GRIN2D: variants seen among roughly 807,000 people sequenced by gnomAD.
GRIN2D encodes the protein glutamate ionotropic receptor NMDA type subunit 2D.
Under a neutral mutation model 103.2 loss-of-function variants are expected in GRIN2D, and 37 were observed. The ratio of observed to expected loss-of-function variants is 0.36; its 90% confidence interval spans 0.28 to 0.47. The LOEUF (loss-of-function observed/expected upper bound fraction) is 0.47. GRIN2D is among the 20% of genes least tolerant of loss of function. GRIN2D has a pLI of 1.00. For synonymous variants in GRIN2D, 845 were observed against 885.6 expected, an observed-to-expected ratio of 0.95 and a Z score of 0.81; for missense variants, 1,557 against 1,910.6, an observed-to-expected ratio of 0.81 and a Z score of 3.45.
In GRIN2D at chr19:48,437,014, G is replaced by A. The variant is rs914442329; in HGVS notation, c.2253-4755G>A. On this transcript the variant is annotated intron_variant, in intron 11 of 13. Transcript: ENST00000263269. ...ACTCAAATGTTAAGATCCCTCTGGT[G>A]ACAGAGTGGGAACAAACAAGAAAGA... Among the ~76,000 whole-genome samples the A allele has an allele frequency of 2.0e-5, 3 of 152,312 alleles. No individual in the cohort carries two copies. In the South Asian group the frequency reaches 6.2e-4, roughly 32 times the overall value.
In GRIN2D at chr19:48,442,834, C is replaced by G; in HGVS notation, c.2908C>G (p.Pro970Ala). 1 of 1,080,862 alleles carries G rather than the reference C, an allele frequency of 9.3e-7. No individual in the cohort carries two copies. The allele number at this position is 1,080,862 out of a possible 1,614,324, so 67.0% of individuals were successfully genotyped here. A position where few individuals can be genotyped will look rare whatever the true frequency, so the allele number is the denominator to read the frequency against. ...GFHRYYGPIE[P>A]QGLGLGLGEA... is the part of the protein sequence containing the mutation. Reference sequence around the variant, plus strand: ...CCACCGCTACTACGGCCCCATCGAGCCGCAGGGCCTAGGCCTCGGCCTGGG... The same window carrying G: ...CCACCGCTACTACGGCCCCATCGAGGCGCAGGGCCTAGGCCTCGGCCTGGG... Residue 970 changes from proline to alanine, a missense_variant, in exon 14 of 14, where the codon CCG (proline) becomes GCG (alanine). Coordinates refer to ENST00000263269, the MANE Select transcript of GRIN2D (RefSeq NM_000836.4). This position sits in a 1 kb window ranked among gnomAD's most constrained non-coding sequence, Gnocchi z 7.2.
At position 48,443,066 on chromosome 19, in the gene GRIN2D, G is replaced by GC; in HGVS notation, c.3141dup (p.Ala1049GlyfsTer283). Reference sequence around the variant, plus strand: ...ACCGCCGTCGGGCCGCCACTCTGCCGCTTGGCCTTCGAGGACGAGAGCCCG... The same window carrying GC: ...ACCGCCGTCGGGCCGCCACTCTGCCGCCTTGGCCTTCGAGGACGAGAGCCCG... On this transcript the variant is annotated frameshift_variant, in exon 14 of 14. Coordinates refer to ENST00000263269, the MANE Select transcript of GRIN2D (RefSeq NM_000836.4). LOFTEE classifies it high-confidence loss of function. This position sits in a 1 kb window ranked among gnomAD's most constrained non-coding sequence, Gnocchi z 8.9. 1 of 1,045,312 alleles carries GC rather than the reference G, an allele frequency of 9.6e-7. No individual in the cohort carries two copies. Among genetic ancestry groups the GC allele is most frequent in the Non-Finnish European group, 1.2e-6 (1 of 869,560 alleles). 64.8% of individuals were successfully genotyped at this position (1,045,312 alleles called of 1,614,324 possible). A position where few individuals can be genotyped will look rare whatever the true frequency, so the allele number is the denominator to read the frequency against.
chr19:48,413,538 T>C (rs1970902065), intron 4 of GRIN2D, among the ~76,000 whole-genome samples: 1 of 150,086 alleles, frequency 6.7e-6, no homozygotes, highest in South Asian at 2.1e-4. Flanking sequence ...GGTGCATGTC[T>C]ATAATCCCAG....
chr19:48,433,377 T>C (rs910276032), intron 11 of GRIN2D, among the ~76,000 whole-genome samples: 1 of 151,714 alleles, frequency 6.6e-6, no homozygotes, highest in African/African-American at 2.4e-5. Context: ...AAAATAAAAA[T>C]AGAAAATAAA....
intron 2 of GRIN2D, among the ~76,000 whole-genome samples, chr19:48,397,631 C>G (rs1970658936): frequency 6.6e-6 from 1 of 151,958 alleles, no homozygotes; most frequent in Admixed American, 6.6e-5. Flanking sequence ...CTTCCTGCAT[C>G]TCTTCCCGCC....
At position 48,409,274 on chromosome 19, in the gene GRIN2D, C is replaced by CTT. The variant is rs67673123; in HGVS notation, c.1085+3942_1085+3943dup. Among the ~76,000 whole-genome samples, 815 of 103,642 alleles carry CTT rather than the reference C, an allele frequency of 7.9e-3. 4 individuals are homozygous for CTT. The highest frequency in any genetic ancestry group is 9.6e-3 in the African/African-American group (227 of 23,568). The allele number at this position is 103,642 out of a possible 152,430, so 68.0% of individuals were successfully genotyped here. On this transcript the variant is annotated intron_variant, in intron 4 of 13. Transcript: ENST00000263269. ...CACAATGGCAATGGCAATTAAATTT[C>CTT]TTTTTTTTTTTTTTTTTTTTTTGAG...
intron 11 of GRIN2D, among the ~76,000 whole-genome samples, chr19:48,438,287 C>CTTTTTTTTT (rs71181697): frequency 0.015 from 894 of 57,748 alleles, 121 homozygotes; most frequent in East Asian, 0.018. Flanking sequence ...ATCCAGCCGC[C>CTTTTTTTTT]TTTTTTTTTT....
rs1312652650 is a variant in GRIN2D at position 48,421,873 on chromosome 19, C to G, written c.2180C>G (p.Pro727Arg). 1 of 1,614,034 alleles carries G rather than the reference C, an allele frequency of 6.2e-7. No individual in the cohort carries two copies. The highest frequency in any genetic ancestry group is 2.2e-5 in the East Asian group (1 of 44,892). ...STEKNIRSNY[P>R]DMHSYMVRYN... ...GAGAAGAACATCCGCAGCAACTATC[C>G]CGACATGCACAGCTACATGGTGCGC... The change falls in exon 11 of 14, where the codon CCC (proline) becomes CGC (arginine). Residue 727 changes from proline to arginine, a missense_variant. Around this residue, in one of 7 missense-constraint regions of GRIN2D, gnomAD observed 138 missense variants for 270.2 expected, o/e 0.51. Transcript: ENST00000263269. This position sits in a 1 kb window ranked among gnomAD's most constrained non-coding sequence, Gnocchi z 4.8.
chr19:48,443,899 G>T lies in GRIN2D; in HGVS notation c.3973G>T (p.Gly1325Cys). 1 of 1,461,154 alleles carries T rather than the reference G, an allele frequency of 6.8e-7. No homozygotes were observed. The highest frequency in any genetic ancestry group is 9.0e-7 in the Non-Finnish European group (1 of 1,111,892). 90.5% of individuals were successfully genotyped at this position (1,461,154 alleles called of 1,614,324 possible). A position where few individuals can be genotyped will look rare whatever the true frequency, so the allele number is the denominator to read the frequency against. ...GGGCGGGGACCTGGGCACCCGCAGG[G>T]GCTCGGCGCACTTCTCTAGCCTCGA... ...HRGGDLGTRR[G>C]SAHFSSLESE... Residue 1325 changes from glycine (G) to cysteine (C), a missense_variant, in exon 14 of 14, where the codon GGC becomes TGC. Physicochemically the swap from Gly to Cys is radical, Grantham distance 159 (BLOSUM62 -3). Coordinates refer to ENST00000263269, the MANE Select transcript of GRIN2D (RefSeq NM_000836.4). This position sits in a 1 kb window ranked among gnomAD's most constrained non-coding sequence, Gnocchi z 8.9.
chr19:48,396,205 C>T (rs1970638279), intron 2 of GRIN2D, among the ~76,000 whole-genome samples: 1 of 151,940 alleles, frequency 6.6e-6, no homozygotes, highest in African/African-American at 2.4e-5. Context: ...TGTCCAGAGG[C>T]TGGACTCTGT....
At position 48,405,607 on chromosome 19, in the gene GRIN2D, T is replaced by G. The variant is rs1490288167; in HGVS notation, c.1085+254T>G. ...ATAATGTTTCACATTTTAATGTCTT[T>G]GAAAACGAGATGTGTCTTATAATTG... On this transcript the variant is annotated intron_variant, in intron 4 of 13. Coordinates refer to ENST00000263269, the MANE Select transcript of GRIN2D (RefSeq NM_000836.4). This position sits in a 1 kb window ranked among gnomAD's most constrained non-coding sequence, Gnocchi z 5.1. Among the ~76,000 whole-genome samples, 1 of 152,262 alleles carries G rather than the reference T, an allele frequency of 6.6e-6. No individual in the cohort carries two copies. The highest frequency in any genetic ancestry group is 2.4e-5 in the African/African-American group (1 of 41,478).
rs147564585 is a variant in GRIN2D, at chr19:48,416,213, G to A, written c.1735+58G>A. On this transcript the variant is annotated intron_variant, in intron 8 of 13. Coordinates refer to ENST00000263269, the MANE Select transcript of GRIN2D (RefSeq NM_000836.4). ...CTAGGCAAAGTAGCCGTCCCCAACC[G>A]TGTGGGCCCTGGGATCAGAAAACCT... The A allele has an allele frequency of 0.046, 69,205 of 1,508,342 alleles. 1,942 individuals carry two copies. Among genetic ancestry groups the A allele is most frequent in the Middle Eastern group, 0.12 (709 of 5,832 alleles). The allele number at this position is 1,508,342 out of a possible 1,614,324, so 93.4% of individuals were successfully genotyped here.
chr19:48,419,337 C>G lies in GRIN2D; in HGVS notation c.1839C>G (p.Asn613Lys). Reference sequence around the variant, plus strand: ...AGTACCTCAGTCCTGTTGGTTACAACCGCAGCCTGGCCACGGGCAAGCGTG... The same window carrying G: ...AGTACCTCAGTCCTGTTGGTTACAAGCGCAGCCTGGCCACGGGCAAGCGTG... ...IFEYLSPVGY[N>K]RSLATGKRPG... The change falls in exon 9 of 14, where the codon AAC (asparagine) becomes AAG (lysine). Residue 613 changes from asparagine to lysine, a missense_variant. This residue lies in a region of GRIN2D where 197 missense variants were observed against 334.1 expected (regional missense o/e 0.59). Coordinates refer to ENST00000263269, the MANE Select transcript of GRIN2D (RefSeq NM_000836.4). 6.2e-7 allele frequency: 1 copy of G among 1,606,094 alleles called. No individual in the cohort carries two copies. Among genetic ancestry groups the G allele is most frequent in the East Asian group, 2.2e-5 (1 of 44,832 alleles).
rs1971350362 is a variant in GRIN2D, at chr19:48,444,107, A to G, written c.*170A>G. The stretch of plus-strand genomic sequence containing the variant: ...TGGTTCTGGAGGAACCGCAAGCCGG[A>G]GAGGATTTGGTCCCTCAACTATCAC... On this transcript the variant is annotated 3_prime_UTR_variant, in exon 14 of 14. Transcript: ENST00000263269. This position sits in a 1 kb window ranked among gnomAD's most constrained non-coding sequence, Gnocchi z 5.5. The G allele has an allele frequency of 2.2e-6, 1 of 450,192 alleles. No individual in the cohort carries two copies. The highest frequency in any genetic ancestry group is 4.4e-5 in the Admixed American group (1 of 22,714). 27.9% of individuals were successfully genotyped at this position (450,192 alleles called of 1,614,324 possible). A position where few individuals can be genotyped will look rare whatever the true frequency, so the allele number is the denominator to read the frequency against.
intron 4 of GRIN2D, among the ~76,000 whole-genome samples, chr19:48,410,443 G>C (rs1306655015): frequency 7.0e-6 from 1 of 142,090 alleles, no homozygotes; most frequent in Admixed American, 7.6e-5. Context: ...CAGGAGAACC[G>C]CTTGAACCCA....
chr19:48,443,810 G>T lies in GRIN2D; in HGVS notation c.3884G>T (p.Arg1295Leu), dbSNP rs777410174. 2.0e-6 allele frequency: 3 copies of T among 1,478,284 alleles called. No homozygotes were observed. Among genetic ancestry groups the T allele is most frequent in the Middle Eastern group, 4.8e-4 (2 of 4,198 alleles). The allele number at this position is 1,478,284 out of a possible 1,614,324, so 91.6% of individuals were successfully genotyped here. The change falls in exon 14 of 14, where the codon CGC becomes CTC. Residue 1295 changes from arginine to leucine, a missense_variant. Coordinates refer to ENST00000263269, the MANE Select transcript of GRIN2D (RefSeq NM_000836.4). This position sits in a 1 kb window ranked among gnomAD's most constrained non-coding sequence, Gnocchi z 8.9. ...RRLTGPSRHARRCPHAAHWGP... is the reference protein window; with the variant it reads ...RRLTGPSRHALRCPHAAHWGP... ...CTTACCGGGCCCTCCCGCCACGCTC[G>T]CAGGTGTCCGCACGCCGCGCACTGG...
chr19:48,410,038 G>A (rs150811441), intron 4 of GRIN2D, among the ~76,000 whole-genome samples: 92 of 151,666 alleles, frequency 6.1e-4, no homozygotes, highest in African/African-American at 2.2e-3. Context: ...GCCCCCCTCA[G>A]CCTCCCAAAG....
Position 48,431,892 on chromosome 19 carries a change from CTTTCT to C in GRIN2D, c.2253-9868_2253-9864del, listed in dbSNP as rs1454400521. 1.0e-4 allele frequency among the ~76,000 whole-genome samples: 14 copies of C among 134,342 alleles called. No individual in the cohort carries two copies. In the Middle Eastern group the frequency reaches 0.018, roughly 171 times the overall value. The allele number at this position is 134,342 out of a possible 152,430, so 88.1% of individuals were successfully genotyped here. On this transcript the variant is annotated intron_variant, in intron 11 of 13. Transcript: ENST00000263269. Reference sequence around the variant, plus strand: ...GTGCCACCGCGCCCGGCCTGCTTTCCTTTCTTTTCTTTTATCTTTTCTTTATTTTT... The same window carrying C: ...GTGCCACCGCGCCCGGCCTGCTTTCCTTTCTTTTATCTTTTCTTTATTTTT...
intron 11 of GRIN2D, among the ~76,000 whole-genome samples, chr19:48,438,236 A>G (rs978681728): frequency 7.0e-6 from 1 of 142,440 alleles, no homozygotes; most frequent in African/African-American, 2.6e-5. Flanking sequence ...GAGGTTAAGT[A>G]TTCTTCTCTG....
Sources: allele counts gnomAD v4.1 joint callset (sites outside exome capture counted in the v4.1 genomes callset), GRCh38; gene constraint gnomAD v4.1.1; regional missense constraint gnomAD v4.1.1; non-coding constraint Gnocchi (gnomAD v3.1); transcripts MANE v1.5; gene names NCBI Gene and HGNC (gene_info 2026-07-23, HGNC 2026-07-21).